LDB2: variants seen among roughly 807,000 people sequenced by gnomAD.
LDB2 encodes the protein LIM domain-binding protein 2.
A neutral mutation model predicts 44.3 loss-of-function variants in LDB2; 12 were observed. That is an observed-to-expected ratio of 0.27 (90% CI 0.17 to 0.44). LDB2 has a LOEUF of 0.44. LDB2 is among the 20% of genes least tolerant of loss of function. The probability of loss-of-function intolerance (pLI) is 1.00; values close to 1 mark genes in which losing one functional copy is unlikely to be tolerated. For missense variants in LDB2, 344 were observed against 473.5 expected (o/e 0.73, Z 2.54); for synonymous variants, 164 against 174.8 (o/e 0.94, Z 0.49).
intron 1 of LDB2, among the ~76,000 whole-genome samples, chr4:16,877,020 G>T (rs1266312965): frequency 1.3e-5 from 2 of 151,862 alleles, no homozygotes; most frequent in Non-Finnish European, 2.9e-5. Context: ...CAATCATCGA[G>T]TCTCAGACTC....
In LDB2 at chr4:16,525,371, G is replaced by C. The variant is rs113782132; in HGVS notation, c.616-13267C>G. ...CTCTCCAGCTCTGCTCTGACGCAAA[G>C]GAAAGGAAAGATTTCTCAATAATGC... On this transcript the variant is annotated intron_variant, in intron 5 of 7. Transcript: ENST00000304523. Among the ~76,000 whole-genome samples the C allele has an allele frequency of 1.5e-3, 235 of 152,308 alleles. 1 individual carries two copies. Among genetic ancestry groups the C allele is most frequent in the African/African-American group, 5.4e-3 (223 of 41,570 alleles).
intron 2 of LDB2, among the ~76,000 whole-genome samples, chr4:16,659,798 T>C (rs1741044423): frequency 1.3e-5 from 2 of 151,908 alleles, no homozygotes; most frequent in South Asian, 4.2e-4. Flanking sequence ...TTTACCACAA[T>C]AGGAGTCATG....
chr4:16,712,032 C>T (rs78713591), intron 2 of LDB2, among the ~76,000 whole-genome samples: 31 of 152,096 alleles, frequency 2.0e-4, no homozygotes, highest in African/African-American at 7.5e-4. Context: ...ATCACAGAAG[C>T]ACAGTCCATA....
chr4:16,565,751 T>C (rs907504072), intron 5 of LDB2, among the ~76,000 whole-genome samples: 1 of 151,804 alleles, frequency 6.6e-6, no homozygotes, highest in East Asian at 1.9e-4. Context: ...GAGGGTAAAC[T>C]AAAAAAATTA....
chr4:16,848,032 G>A (rs530629744), intron 1 of LDB2, among the ~76,000 whole-genome samples: 2 of 152,270 alleles, frequency 1.3e-5, no homozygotes, highest in South Asian at 2.1e-4. Context: ...AATAAGTACT[G>A]AGAAAAATAA....
intron 1 of LDB2, among the ~76,000 whole-genome samples, chr4:16,840,574 T>C (rs1022013891): frequency 3.9e-5 from 6 of 152,180 alleles, no homozygotes; most frequent in African/African-American, 1.4e-4. Context: ...TTGGGATCAC[T>C]TGAGTGACAG....
chr4:16,609,098 AGAAG>A (rs1724828736), intron 2 of LDB2, among the ~76,000 whole-genome samples: 1 of 152,230 alleles, frequency 6.6e-6, no homozygotes, highest in African/African-American at 2.4e-5. Flanking sequence ...ACCCATGGAG[AGAAG>A]GAAGAACAGC....
intron 1 of LDB2, among the ~76,000 whole-genome samples, chr4:16,849,052 T>C (rs1010856980): frequency 6.6e-6 from 1 of 152,204 alleles, no homozygotes; most frequent in African/African-American, 2.4e-5. Flanking sequence ...TGAAATTCCT[T>C]TCCCCGATCT....
intron 2 of LDB2, among the ~76,000 whole-genome samples, chr4:16,688,297 T>C (rs540472057): frequency 1.1e-4 from 17 of 152,284 alleles, no homozygotes; most frequent in African/African-American, 3.4e-4. Flanking sequence ...AAAGTGGATA[T>C]GGTTTTGGGG....
At chr4:16,628,273 G>C (rs142610260) in intron 2 of LDB2, among the ~76,000 whole-genome samples, 42 of 152,258 alleles carry the variant, frequency 2.8e-4, no homozygotes, top group African/African-American at 9.9e-4. Flanking sequence ...GTGAATTCCA[G>C]GAAGGCCTTG....
intron 1 of LDB2, among the ~76,000 whole-genome samples, chr4:16,760,844 A>G (rs918391982): frequency 6.6e-6 from 1 of 152,176 alleles, no homozygotes; most frequent in Non-Finnish European, 1.5e-5. Flanking sequence ...TATTCGGAAG[A>G]CTGGATACAT....
chr4:16,700,523 GTTTAT>G (rs1253685628), intron 2 of LDB2, among the ~76,000 whole-genome samples: 1 of 151,982 alleles, frequency 6.6e-6, no homozygotes, highest in Non-Finnish European at 1.5e-5. Flanking sequence ...CATCCGGTGT[GTTTAT>G]TTTATTTTAT....
At chr4:16,749,442 C>T (rs528927366) in intron 2 of LDB2, among the ~76,000 whole-genome samples, 40 of 151,008 alleles carry the variant, frequency 2.6e-4, no homozygotes, top group African/African-American at 9.5e-4. Flanking sequence ...CCTATAGTCC[C>T]AGCTACTCGG....
intron 1 of LDB2, among the ~76,000 whole-genome samples, chr4:16,776,620 G>A (rs1475240992): frequency 6.6e-6 from 1 of 152,182 alleles, no homozygotes. Context: ...ATTTAGTGAT[G>A]ATGTAGTGAA....
At chr4:16,777,368 G>A (rs1047703765) in intron 1 of LDB2, among the ~76,000 whole-genome samples, 2 of 152,048 alleles carry the variant, frequency 1.3e-5, no homozygotes, top group Non-Finnish European at 2.9e-5. Context: ...TTGGTCAGCC[G>A]ACATGAGGAA....
intron 1 of LDB2, among the ~76,000 whole-genome samples, chr4:16,859,962 C>T (rs1260200368): frequency 6.6e-6 from 1 of 152,182 alleles, no homozygotes; most frequent in Non-Finnish European, 1.5e-5. Context: ...ATTATTACTC[C>T]TGTTGGACAG....
chr4:16,736,316 A>T (rs1406714367), intron 2 of LDB2, among the ~76,000 whole-genome samples: 2 of 152,214 alleles, frequency 1.3e-5, no homozygotes, highest in African/African-American at 2.4e-5. Context: ...CTTCCCAAAT[A>T]GGGAAATTAG....
chr4:16,744,782 C>T lies in LDB2; in HGVS notation c.235+14376G>A, dbSNP rs138358372. Among the ~76,000 whole-genome samples, 1,109 of 152,246 alleles carry T rather than the reference C, an allele frequency of 7.3e-3. 18 individuals carry two copies. The highest frequency in any genetic ancestry group is 0.025 in the African/African-American group (1,057 of 41,558). ...TGAGACACCGCGCCCAGCCAAGTCA[C>T]GTGTTTTATGAAGAATTAGGAAACA... On this transcript the variant is annotated intron_variant, in intron 2 of 7. Transcript: ENST00000304523.
Position 16,791,633 on chromosome 4 carries a change from C to G in LDB2, c.133-32373G>C, listed in dbSNP as rs1038890550. Among the ~76,000 whole-genome samples the G allele has an allele frequency of 6.7e-5, 10 of 149,698 alleles. No individual in the cohort carries two copies. The South Asian group carries it at 2.1e-3, about 32-fold the overall frequency. On this transcript the variant is annotated intron_variant, in intron 1 of 7. Transcript: ENST00000304523. ...TGATTTACAAACACTGTAATCTTCCCCAGGCTTTAGATATTTTTTTTGACA... is the reference window on the plus strand; with the variant it reads ...TGATTTACAAACACTGTAATCTTCCGCAGGCTTTAGATATTTTTTTTGACA...
Sources: gnomAD v4.1 joint callset for allele counts (sites outside exome capture counted in the v4.1 genomes callset) on GRCh38, gnomAD v4.1.1 for gene constraint, MANE v1.5 for transcripts, NCBI Gene and HGNC (gene_info 2026-07-23, HGNC 2026-07-21) for gene names.